KICS2: variants seen among roughly 807,000 people sequenced by gnomAD.
The protein encoded by KICS2 is KICSTOR subunit 2.
Under a neutral mutation model 31.4 loss-of-function variants are expected in KICS2, and 13 were observed. That is an observed-to-expected ratio of 0.41 (90% CI 0.27 to 0.66). The LOEUF is 0.66. Ranked by LOEUF, KICS2 falls within the 30% of genes least tolerant of loss-of-function variation. KICS2 has a pLI of 0.28. For synonymous variants in KICS2, 209 were observed against 214.8 expected, an observed-to-expected ratio of 0.97 and a Z score of 0.24; for missense variants, 455 against 545.4, an observed-to-expected ratio of 0.83 and a Z score of 1.65.
intron 1 of KICS2, among the ~76,000 whole-genome samples, chr12:64,219,720 C>T (rs1449137524): frequency 1.3e-5 from 2 of 152,154 alleles, no homozygotes; most frequent in Non-Finnish European, 2.9e-5. Context: ...TCACAATTTA[C>T]ATATACATCA....
downstream of KICS2, chr12:64,187,749 G>GA (rs200328696): frequency 1.0e-3 from 998 of 955,122 alleles, 4 homozygotes; most frequent in African/African-American, 0.011. Context: ...TCACTTAGGA[G>GA]AAAAAAAATC....
intron 2 of KICS2, among the ~76,000 whole-genome samples, chr12:64,195,910 C>A (rs546109305): frequency 3.3e-5 from 5 of 152,160 alleles, no homozygotes; most frequent in African/African-American, 2.4e-5. Context: ...AAAAACGGCG[C>A]ACCACGAGAT....
intron 2 of KICS2, among the ~76,000 whole-genome samples, chr12:64,213,226 A>ATG: frequency 6.6e-6 from 1 of 152,292 alleles, no homozygotes; most frequent in Middle Eastern, 3.4e-3. Flanking sequence ...TAGCAAGAGG[A>ATG]TGTAGTAAAT....
intron 2 of KICS2, among the ~76,000 whole-genome samples, chr12:64,205,775 G>GTGAA (rs2037533526): frequency 2.5e-5 from 1 of 39,542 alleles, no homozygotes; most frequent in African/African-American, 8.4e-5. Flanking sequence ...GAAGGAAAAA[G>GTGAA]GGAAGGAAGG....
chr12:64,188,772 A>G (rs188078245), downstream of KICS2, among the ~76,000 whole-genome samples: 82 of 152,246 alleles, frequency 5.4e-4, 1 homozygote, highest in Admixed American at 5.2e-3. Context: ...AAGAGTCAGA[A>G]ATCCTTATAA....
chr12:64,201,791 C>T (rs1429346584), intron 2 of KICS2, among the ~76,000 whole-genome samples: 2 of 151,806 alleles, frequency 1.3e-5, no homozygotes, highest in Non-Finnish European at 2.9e-5. Context: ...AAGGTTGCAG[C>T]GAGCTGAGAT....
intron 2 of KICS2, among the ~76,000 whole-genome samples, chr12:64,208,174 G>A (rs750503551): frequency 2.6e-5 from 4 of 152,048 alleles, no homozygotes; most frequent in South Asian, 4.1e-4. Flanking sequence ...CACAGCTGTC[G>A]ATTTTTGTAT....
chr12:64,212,924 T>C (rs1362991990), intron 2 of KICS2, among the ~76,000 whole-genome samples: 1 of 151,830 alleles, frequency 6.6e-6, no homozygotes, highest in Non-Finnish European at 1.5e-5. Context: ...ACCCTGTCTC[T>C]ACCAAAAATG....
intron 2 of KICS2, among the ~76,000 whole-genome samples, chr12:64,210,598 A>G (rs544209647): frequency 1.3e-4 from 20 of 152,260 alleles, no homozygotes; most frequent in African/African-American, 4.3e-4. Context: ...CAATATAGTG[A>G]GACCCTGTCT....
In KICS2 at chr12:64,201,149, T is replaced by C. The variant is rs1462875709; in HGVS notation, c.522-6491A>G. Among the ~76,000 whole-genome samples, 5 of 148,484 alleles carry C rather than the reference T, an allele frequency of 3.4e-5. No individual in the cohort carries two copies. The South Asian group carries it at 1.1e-3, about 32-fold the overall frequency. ...TAAATCATGCTGCTATAAAGACATA[T>C]GCACACGTATGTTTATTGCGGCATT... On this transcript the variant is annotated intron_variant, in intron 2 of 2. Transcript: ENST00000398055.
chr12:64,195,706 G>A (rs1411497362), intron 2 of KICS2, among the ~76,000 whole-genome samples: 5 of 152,266 alleles, frequency 3.3e-5, no homozygotes, highest in African/African-American at 1.2e-4. Context: ...CATCTCACTA[G>A]GGAGTGCCAG....
intron 2 of KICS2, among the ~76,000 whole-genome samples, chr12:64,203,355 A>G (rs1274441042): frequency 1.3e-5 from 2 of 152,216 alleles, no homozygotes; most frequent in South Asian, 4.1e-4. Flanking sequence ...TCTTCTGAGA[A>G]GCGCCTAGTG....
Position 64,195,843 on chromosome 12 carries a change from C to T in KICS2, c.522-1185G>A, listed in dbSNP as rs372124455. Among the ~76,000 whole-genome samples, 1,031 of 152,050 alleles carry T rather than the reference C, an allele frequency of 6.8e-3. 2 individuals carry two copies. The highest frequency in any genetic ancestry group is 0.023 in the African/African-American group (932 of 41,318). ...CCGAGTCAAAGAAAGGGGTGACGGA[C>T]GCACCTGGAAAATCGGGTCACTCCC... On this transcript the variant is annotated intron_variant, in intron 2 of 2. Transcript: ENST00000398055.
chr12:64,203,117 G>A (rs953011013), intron 2 of KICS2, among the ~76,000 whole-genome samples: 1 of 152,056 alleles, frequency 6.6e-6, no homozygotes, highest in Non-Finnish European at 1.5e-5. Context: ...CTCCCCAAGC[G>A]GAAGTAATAG....
rs866591505 is a variant in KICS2 at position 64,216,755 on chromosome 12, T to C, written c.236-792A>G. ...CTTTATATAGCCAAAAAGGATCAAA[T>C]AGCATAGATATCATTTACTCACTTC... is the stretch of plus-strand genomic sequence containing the variant. On this transcript the variant is annotated intron_variant, in intron 1 of 2. Transcript: ENST00000398055. 4.6e-5 allele frequency among the ~76,000 whole-genome samples: 7 copies of C among 152,248 alleles called. 1 individual carries two copies. The highest frequency in any genetic ancestry group is 1.3e-4 in the Admixed American group (2 of 15,292).
rs763648657 is a variant in KICS2, at chr12:64,215,645, C to T, written c.521+33G>A. 5 of 1,576,194 alleles carry T rather than the reference C, an allele frequency of 3.2e-6. No individual in the cohort carries two copies. In the Admixed American group the frequency reaches 8.6e-5, roughly 27 times the overall value. ...GCTTGTGTGGGATTGATAGGACAGC[C>T]ACGCTTTCTCCCTCCCTCCTCCCCA... On this transcript the variant is annotated intron_variant, in intron 2 of 2. Transcript: ENST00000398055.
chr12:64,203,189 A>G (rs1318722713), intron 2 of KICS2, among the ~76,000 whole-genome samples: 1 of 152,190 alleles, frequency 6.6e-6, no homozygotes, highest in African/African-American at 2.4e-5. Context: ...AATTTAGTCA[A>G]TGTGGTGACC....
At position 64,193,591 on chromosome 12, in the gene KICS2, A is replaced by C. The variant is rs1223677076; in HGVS notation, c.*251T>G. The stretch of plus-strand genomic sequence containing the variant: ...ACAAGAAATATAGCAAAATAGGGGA[A>C]AATACTGAAACTACTTTGCTGTACC... On this transcript the variant is annotated 3_prime_UTR_variant, in exon 3 of 3. Coordinates refer to ENST00000398055, the MANE Select transcript of KICS2 (RefSeq NM_152440.5). 4.9e-6 allele frequency: 6 copies of C among 1,236,096 alleles called. No individual in the cohort carries two copies. Among genetic ancestry groups the C allele is most frequent in the African/African-American group, 3.1e-5 (2 of 65,074 alleles). The allele number at this position is 1,236,096 out of a possible 1,614,324, so 76.6% of individuals were successfully genotyped here.
chr12:64,187,636 G>C (rs1171416312), downstream of KICS2: 4 of 1,535,656 alleles, frequency 2.6e-6, no homozygotes, highest in African/African-American at 5.5e-5. Flanking sequence ...CGAAATAATT[G>C]CATTGGTAAC....
Sources: allele counts gnomAD v4.1 joint callset (sites outside exome capture counted in the v4.1 genomes callset), GRCh38; gene constraint gnomAD v4.1.1; transcripts MANE v1.5; gene names NCBI Gene and HGNC (gene_info 2026-07-23, HGNC 2026-07-21).